The following GRM7 variants were observed in gnomAD, a reference collection of about 807,000 sequenced individuals.
GRM7 encodes metabotropic glutamate receptor 7.
A neutral mutation model predicts 84.5 loss-of-function variants in GRM7; 35 were observed. The observed-to-expected ratio is 0.41, with a 90% CI of 0.32 to 0.55. The LOEUF (loss-of-function observed/expected upper bound fraction) is 0.55. GRM7 is among the 20% of genes least tolerant of loss of function. The pLI, the probability that GRM7 is intolerant of heterozygous loss-of-function variation, is 0.19. For synonymous variants in GRM7, 487 were observed against 455.1 expected (o/e 1.07, Z -0.89); for missense variants, 1,003 against 1,194.6 (o/e 0.84, Z 2.36).
At chr3:7,503,760 G>C (rs748620581) in intron 7 of GRM7, among the ~76,000 whole-genome samples, 7 of 152,094 alleles carry the variant, frequency 4.6e-5, no homozygotes, top group Non-Finnish European at 1.0e-4. Flanking sequence ...TAACTTTAGG[G>C]ACTTAACCAA....
chr3:7,251,574 G>T (rs953126598), intron 2 of GRM7, among the ~76,000 whole-genome samples: 1 of 152,210 alleles, frequency 6.6e-6, no homozygotes, highest in African/African-American at 2.4e-5. Flanking sequence ...ACTATGTTGG[G>T]CTATTATGAT....
chr3:7,604,871 C>T (rs1036430097), intron 8 of GRM7, among the ~76,000 whole-genome samples: 3 of 152,242 alleles, frequency 2.0e-5, no homozygotes, highest in African/African-American at 7.2e-5. Context: ...TTTCAGTTTA[C>T]AACAACAGCC....
chr3:7,223,581 T>C (rs570210232), intron 2 of GRM7, among the ~76,000 whole-genome samples: 1 of 152,298 alleles, frequency 6.6e-6, no homozygotes, highest in East Asian at 1.9e-4. Flanking sequence ...TCCTTTTTTA[T>C]AGAAATGTTT....
chr3:7,015,605 A>G (rs1695534623), intron 1 of GRM7, among the ~76,000 whole-genome samples: 1 of 152,228 alleles, frequency 6.6e-6, no homozygotes, highest in Non-Finnish European at 1.5e-5. Flanking sequence ...GTTCTGGCTT[A>G]AGGTCCATCA....
intron 1 of GRM7, among the ~76,000 whole-genome samples, chr3:7,049,211 C>T (rs1046864218): frequency 4.6e-5 from 7 of 151,990 alleles, no homozygotes; most frequent in Middle Eastern, 3.4e-3. Context: ...TCATGTAGCA[C>T]GTTGTACTGG....
intron 1 of GRM7, among the ~76,000 whole-genome samples, chr3:7,104,067 G>A (rs1213552722): frequency 6.6e-6 from 1 of 151,170 alleles, no homozygotes; most frequent in African/African-American, 2.4e-5. Flanking sequence ...GAGATAATTA[G>A]GTCTAAATGA....
At chr3:7,074,387 T>A (rs945149535) in intron 1 of GRM7, among the ~76,000 whole-genome samples, 5 of 152,196 alleles carry the variant, frequency 3.3e-5, no homozygotes, top group African/African-American at 1.2e-4. Context: ...AAACATTCTA[T>A]GTGGGCTGTG....
intron 8 of GRM7, among the ~76,000 whole-genome samples, chr3:7,667,860 C>CAAA (rs61182264): frequency 3.1e-5 from 4 of 128,438 alleles, no homozygotes; most frequent in Non-Finnish European, 5.1e-5. Context: ...AGATTTATGT[C>CAAA]AAAAAAAAAA....
At chr3:7,109,517 G>A (rs1370923237) in intron 1 of GRM7, among the ~76,000 whole-genome samples, 1 of 152,066 alleles carries the variant, frequency 6.6e-6, no homozygotes, top group Non-Finnish European at 1.5e-5. Flanking sequence ...ATACCTGCAG[G>A]AAAAGTAATC....
At chr3:7,664,465 CAT>C in intron 8 of GRM7, among the ~76,000 whole-genome samples, 1 of 152,288 alleles carries the variant, frequency 6.6e-6, no homozygotes, top group Middle Eastern at 3.4e-3. Flanking sequence ...CCGAGTATCT[CAT>C]GTGTTACTAT....
At chr3:7,319,094 A>T (rs1700681575) in intron 4 of GRM7, among the ~76,000 whole-genome samples, 1 of 152,062 alleles carries the variant, frequency 6.6e-6, no homozygotes, top group Non-Finnish European at 1.5e-5. Context: ...AAAAAGATAT[A>T]AGATACTGTG....
chr3:7,224,538 G>C (rs1009178575), intron 2 of GRM7, among the ~76,000 whole-genome samples: 6 of 152,156 alleles, frequency 3.9e-5, no homozygotes, highest in African/African-American at 1.4e-4. Flanking sequence ...CCTTGTAGAT[G>C]CCACTGCTAA....
At chr3:7,549,864 A>G (rs915647977) in intron 7 of GRM7, among the ~76,000 whole-genome samples, 7 of 152,254 alleles carry the variant, frequency 4.6e-5, no homozygotes, top group Non-Finnish European at 7.3e-5. Context: ...ATTTAATTTC[A>G]AAGGAAATGT....
At chr3:7,616,284 G>GC (rs889927121) in intron 8 of GRM7, among the ~76,000 whole-genome samples, 2 of 152,024 alleles carry the variant, frequency 1.3e-5, no homozygotes, top group East Asian at 1.9e-4. Flanking sequence ...GCACCCTTCT[G>GC]CCCCCCGACA....
intron 8 of GRM7, among the ~76,000 whole-genome samples, chr3:7,582,877 A>G (rs1695329952): frequency 6.6e-6 from 1 of 152,196 alleles, no homozygotes; most frequent in African/African-American, 2.4e-5. Flanking sequence ...CAGGTCTGGA[A>G]TGCGGCATAG....
intron 7 of GRM7, among the ~76,000 whole-genome samples, chr3:7,540,000 T>C (rs1692781600): frequency 6.6e-6 from 1 of 152,168 alleles, no homozygotes; most frequent in Non-Finnish European, 1.5e-5. Flanking sequence ...AATGTTCCTT[T>C]TAATAACTTT....
At chr3:7,522,918 G>T (rs1189639275) in intron 7 of GRM7, among the ~76,000 whole-genome samples, 1 of 152,092 alleles carries the variant, frequency 6.6e-6, no homozygotes, top group Non-Finnish European at 1.5e-5. Flanking sequence ...GTAGTGCTCT[G>T]TCTTCTCCTC....
At chr3:7,493,079 T>C (rs1287714308) in intron 7 of GRM7, among the ~76,000 whole-genome samples, 1 of 152,126 alleles carries the variant, frequency 6.6e-6, no homozygotes, top group African/African-American at 2.4e-5. Context: ...GAAGTATGTT[T>C]ATGATAAACA....
At position 7,229,743 on chromosome 3, in the gene GRM7, ATATATATATATATATATTTTT is replaced by A. The variant is rs1575058822; in HGVS notation, c.737-68939_737-68919del. ...GACACACACATATATATATATATAT[ATATATATATATATATATTTTT>A]TTTTTTTTTTGGTTGACAGGTGTTG... On this transcript the variant is annotated intron_variant, in intron 2 of 9. Coordinates refer to ENST00000357716, the MANE Select transcript of GRM7 (RefSeq NM_000844.4). 1.8e-4 allele frequency among the ~76,000 whole-genome samples: 8 copies of A among 44,666 alleles called. 2 individuals are homozygous for A. In the East Asian group the frequency reaches 0.011, roughly 61 times the overall value. The allele number at this position is 44,666 out of a possible 152,430, so 29.3% of individuals were successfully genotyped here. A position where few individuals can be genotyped will look rare whatever the true frequency, so the allele number is the denominator to read the frequency against.
Sources: allele counts gnomAD v4.1 joint callset (sites outside exome capture counted in the v4.1 genomes callset), GRCh38; gene constraint gnomAD v4.1.1; transcripts MANE v1.5; gene names NCBI Gene and HGNC (gene_info 2026-07-23, HGNC 2026-07-21).